CADM2: variants seen among roughly 807,000 people sequenced by gnomAD.
CADM2 encodes cell adhesion molecule 2.
Under a neutral mutation model 49.8 loss-of-function variants are expected in CADM2, and 12 were observed. The observed-to-expected ratio is 0.24, with a 90% CI of 0.15 to 0.39. CADM2 has a LOEUF of 0.39. Among genes scored for constraint, CADM2 ranks in the 10% least tolerant of loss-of-function variants. CADM2 has a pLI of 1.00. For synonymous variants in CADM2, 214 were observed against 175.4 expected (o/e 1.22, Z -1.74); for missense variants, 378 against 492.3 (o/e 0.77, Z 2.20).
rs2065060979 is a variant in CADM2 at position 85,652,102 on chromosome 3, C to T, written c.62-74420C>T. On this transcript the variant is annotated intron_variant, in intron 1 of 9. Coordinates refer to ENST00000383699, the MANE Select transcript of CADM2 (RefSeq NM_001167675.2). ...AAAGTGCTGGGATTACAGGCGTGAG[C>T]CACTGCACCTGGCCAACTAAACTTA... Among the ~76,000 whole-genome samples the T allele has an allele frequency of 1.3e-5, 2 of 151,684 alleles. 1 individual carries two copies. Among genetic ancestry groups the T allele is most frequent in the Admixed American group, 1.3e-4 (2 of 15,198 alleles).
At chr3:84,986,394 A>G (rs1266765228) in intron 1 of CADM2, among the ~76,000 whole-genome samples, 6 of 152,130 alleles carry the variant, frequency 3.9e-5, no homozygotes, top group Non-Finnish European at 8.8e-5. Context: ...TCCATCTCCC[A>G]CTACTATTAT....
chr3:86,012,661 G>A (rs1392136937), intron 8 of CADM2: 22 of 1,435,668 alleles, frequency 1.5e-5, no homozygotes, highest in East Asian at 7.0e-5. Context: ...GCCAGGAGTG[G>A]GTGGAGAATT....
chr3:85,282,509 C>T (rs2043527745), intron 1 of CADM2, among the ~76,000 whole-genome samples: 1 of 146,416 alleles, frequency 6.8e-6, no homozygotes, highest in Non-Finnish European at 1.5e-5. Context: ...TGACCTCAAA[C>T]AATCTACCCG....
intron 1 of CADM2, among the ~76,000 whole-genome samples, chr3:85,617,126 C>T (rs1455469551): frequency 6.6e-6 from 1 of 152,102 alleles, no homozygotes; most frequent in East Asian, 1.9e-4. Context: ...CCAATTCCCT[C>T]ACTATCTACC....
At chr3:85,960,654 T>C (rs1404244866) in intron 7 of CADM2, among the ~76,000 whole-genome samples, 1 of 151,944 alleles carries the variant, frequency 6.6e-6, no homozygotes, top group Non-Finnish European at 1.5e-5. Context: ...ACTATTTCTA[T>C]CATTAATTAT....
intron 1 of CADM2, among the ~76,000 whole-genome samples, chr3:85,389,258 G>A (rs1452465691): frequency 6.6e-6 from 1 of 152,050 alleles, no homozygotes; most frequent in South Asian, 2.1e-4. Flanking sequence ...AAGTAAAAGG[G>A]GATGCTGGTG....
At chr3:85,836,343 GA>G (rs1202209478) in intron 3 of CADM2, among the ~76,000 whole-genome samples, 9 of 151,498 alleles carry the variant, frequency 5.9e-5, no homozygotes, top group Non-Finnish European at 1.3e-4. Flanking sequence ...TGAAAGAAAA[GA>G]AAAAACTGTG....
chr3:85,551,787 A>AC (rs1340287463), intron 1 of CADM2, among the ~76,000 whole-genome samples: 1 of 152,074 alleles, frequency 6.6e-6, no homozygotes, highest in Non-Finnish European at 1.5e-5. Flanking sequence ...AACATTTCCT[A>AC]CTGGGTATAT....
chr3:85,393,782 C>T lies in CADM2; in HGVS notation c.62-332740C>T, dbSNP rs553303075. 1.1e-4 allele frequency among the ~76,000 whole-genome samples: 17 copies of T among 152,012 alleles called. No homozygotes were observed. The South Asian group carries it at 3.1e-3, about 28-fold the overall frequency. On this transcript the variant is annotated intron_variant, in intron 1 of 9. Transcript: ENST00000383699. ...ATTTTTTTTAATAACGACATATTTG[C>T]TCTTATTTATTATCAAAATATATTA...
chr3:85,245,584 A>G (rs1352981025), intron 1 of CADM2, among the ~76,000 whole-genome samples: 3 of 151,758 alleles, frequency 2.0e-5, no homozygotes, highest in African/African-American at 7.3e-5. Context: ...CTCCCAGTCC[A>G]CCACCCTTAC....
At chr3:85,952,139 G>A (rs2108589259) in intron 7 of CADM2, among the ~76,000 whole-genome samples, 1 of 150,976 alleles carries the variant, frequency 6.6e-6, no homozygotes, top group Admixed American at 6.6e-5. Context: ...CATGGCGGAG[G>A]TGGAGCTAAC....
At chr3:85,529,478 C>T (rs1378753363) in intron 1 of CADM2, among the ~76,000 whole-genome samples, 1 of 152,100 alleles carries the variant, frequency 6.6e-6, no homozygotes, top group African/African-American at 2.4e-5. Flanking sequence ...TATGAAAGAC[C>T]TTGTTGCTCT....
At chr3:85,173,649 G>T (rs1392042542) in intron 1 of CADM2, among the ~76,000 whole-genome samples, 1 of 152,128 alleles carries the variant, frequency 6.6e-6, no homozygotes, top group African/African-American at 2.4e-5. Context: ...GAAAGGTAAA[G>T]ACCTTTATTT....
At chr3:86,054,352 T>C (rs1737673483) in intron 8 of CADM2, among the ~76,000 whole-genome samples, 1 of 152,106 alleles carries the variant, frequency 6.6e-6, no homozygotes, top group African/African-American at 2.4e-5. Flanking sequence ...ACAGAATTGA[T>C]TTGACTATAG....
intron 6 of CADM2, among the ~76,000 whole-genome samples, chr3:85,921,096 G>A (rs565289951): frequency 6.6e-6 from 1 of 151,584 alleles, no homozygotes; most frequent in Non-Finnish European, 1.5e-5. Flanking sequence ...ATAAAAACTG[G>A]ATAAAAATGA....
In CADM2 at chr3:85,245,380, C is replaced by T. The variant is rs369501053; in HGVS notation, c.61+285712C>T. On this transcript the variant is annotated intron_variant, in intron 1 of 9. Transcript: ENST00000383699. ...ACAAAAAATTAGCCGGGTGTGGTGA[C>T]GGGCGCCTGTAGTACCAGCTACTTG... 5.3e-5 allele frequency among the ~76,000 whole-genome samples: 8 copies of T among 151,774 alleles called. No homozygotes were observed. The East Asian group carries it at 7.8e-4, about 15-fold the overall frequency.
At chr3:85,520,514 A>G (rs2061006344) in intron 1 of CADM2, among the ~76,000 whole-genome samples, 1 of 152,054 alleles carries the variant, frequency 6.6e-6, no homozygotes, top group Admixed American at 6.6e-5. Context: ...TGTGATACAG[A>G]AACTTTATTT....
At chr3:85,371,642 T>TGC (rs1553714801) in intron 1 of CADM2, among the ~76,000 whole-genome samples, 5 of 138,682 alleles carry the variant, frequency 3.6e-5, no homozygotes, top group African/African-American at 1.4e-4. Flanking sequence ...TGTGTGTGTG[T>TGC]GCATGGGGAT....
intron 1 of CADM2, among the ~76,000 whole-genome samples, chr3:85,377,019 C>T (rs2033630528): frequency 6.6e-6 from 1 of 151,950 alleles, no homozygotes; most frequent in Non-Finnish European, 1.5e-5. Flanking sequence ...AAAATGCTTC[C>T]TACATAACAG....
Sources: gnomAD v4.1 joint callset for allele counts (sites outside exome capture counted in the v4.1 genomes callset) on GRCh38, gnomAD v4.1.1 for gene constraint, MANE v1.5 for transcripts, NCBI Gene and HGNC (gene_info 2026-07-23, HGNC 2026-07-21) for gene names.